The following HOMER2 variants were observed in gnomAD, a reference collection of about 807,000 sequenced individuals.
The protein encoded by HOMER2 is homer protein homolog 2.
A neutral mutation model predicts 47.0 loss-of-function variants in HOMER2; 27 were observed. The ratio of observed to expected loss-of-function variants is 0.57; its 90% CI spans 0.42 to 0.79. The LOEUF (loss-of-function observed/expected upper bound fraction) is 0.79, where lower values mean the gene tolerates loss of function less well. Among genes scored for constraint, HOMER2 ranks in the 30% least tolerant of loss-of-function variants. The probability of loss-of-function intolerance (pLI) is 0.00; values close to 1 mark genes in which losing one functional copy is unlikely to be tolerated. For synonymous variants in HOMER2, 161 were observed against 163.8 expected, an observed-to-expected ratio of 0.98 and a Z score of 0.13; for missense variants, 443 against 435.0, an observed-to-expected ratio of 1.02 and a Z score of -0.16.
Position 82,892,727 on chromosome 15 carries a change from G to A in HOMER2, c.120C>T (p.Val40=), listed in dbSNP as rs1250052440. The change falls in exon 2 of 9, where the codon GTC becomes GTT. Residue 40 remains valine, a synonymous_variant. Transcript: ENST00000450735. ...QAVTVSYFYD[V]TRNSYRIISV... is the part of the protein sequence containing the mutation. ...TGATGATCCGATAGCTGTTCCTTGTGACATCATAGAAGTAGGAAACGGTGA... is the reference window on the plus strand; with the variant it reads ...TGATGATCCGATAGCTGTTCCTTGTAACATCATAGAAGTAGGAAACGGTGA... The A allele has an allele frequency of 4.4e-6, 7 of 1,602,720 alleles. No individual in the cohort carries two copies. The Admixed American group carries it at 8.4e-5, about 19-fold the overall frequency.
rs779615131 is a variant in HOMER2, at chr15:82,852,124, C to T, written c.762+18G>A. On this transcript the variant is annotated intron_variant, in intron 7 of 8. Coordinates refer to ENST00000450735, the MANE Select transcript of HOMER2 (RefSeq NM_004839.4). ...CAAGAGGACGCCAAGGGGCCCTGCT[C>T]GGAGCACCATTACTCACTGTCTCCT... is the stretch of plus-strand genomic sequence containing the variant. The T allele has an allele frequency of 1.0e-5, 16 of 1,588,036 alleles. No homozygotes were observed. Among genetic ancestry groups the T allele is most frequent in the Admixed American group, 6.7e-5 (4 of 59,874 alleles).
chr15:82,984,500 T>C (rs1241751240), intron 1 of HOMER2, among the ~76,000 whole-genome samples: 1 of 152,210 alleles, frequency 6.6e-6, no homozygotes, highest in East Asian at 1.9e-4. Context: ...CACAAACATT[T>C]ATTCAGTGCT....
chr15:82,966,694 G>A (rs1255181018), intron 1 of HOMER2, among the ~76,000 whole-genome samples: 1 of 152,190 alleles, frequency 6.6e-6, no homozygotes, highest in African/African-American at 2.4e-5. Flanking sequence ...CTCGGATTAG[G>A]ATTTCAGTGG....
chr15:82,864,220 T>C lies in HOMER2; in HGVS notation c.334A>G (p.Ile112Val). 8 of 1,612,826 alleles carry C rather than the reference T, an allele frequency of 5.0e-6. No individual in the cohort carries two copies. Among genetic ancestry groups the C allele is most frequent in the Non-Finnish European group, 6.8e-6 (8 of 1,179,382 alleles). ...KFQEVKEAAK[I>V]AKDKTQEKIE... ...TTCTCCTGCGTCTTGTCTTTGGCTA[T>C]CTTGGCAGCTTCTTTCACCTCCTGG... Residue 112 changes from isoleucine (I) to valine (V), a missense_variant, in exon 4 of 9, where the codon ATA becomes GTA. Transcript: ENST00000450735.
downstream of HOMER2, chr15:82,847,333 C>A (rs1343982954): frequency 6.6e-6 from 1 of 152,274 alleles, no homozygotes; most frequent in Non-Finnish European, 1.5e-5. Flanking sequence ...TTTGTAAAAG[C>A]TGTTGTGCTT....
intron 1 of HOMER2, among the ~76,000 whole-genome samples, chr15:82,979,435 ATAT>A (rs1451797184): frequency 6.6e-6 from 1 of 152,186 alleles, no homozygotes; most frequent in East Asian, 1.9e-4. Context: ...ACAATTAATT[ATAT>A]TATTATCAAT....
At chr15:82,920,787 A>G (rs1030860141) in intron 1 of HOMER2, among the ~76,000 whole-genome samples, 1 of 151,982 alleles carries the variant, frequency 6.6e-6, no homozygotes. Flanking sequence ...TTCAGAAATG[A>G]GCATCTGATA....
chr15:82,936,850 G>A (rs1397119050), intron 1 of HOMER2, among the ~76,000 whole-genome samples: 1 of 152,056 alleles, frequency 6.6e-6, no homozygotes, highest in Non-Finnish European at 1.5e-5. Flanking sequence ...ACCATGCCTG[G>A]CCAGCTCTCC....
intron 5 of HOMER2, among the ~76,000 whole-genome samples, chr15:82,857,748 G>A (rs1337696011): frequency 6.6e-6 from 1 of 151,966 alleles, no homozygotes; most frequent in East Asian, 1.9e-4. Context: ...ATCTTAAATG[G>A]GCAACTCTGA....
intron 1 of HOMER2, among the ~76,000 whole-genome samples, chr15:82,919,114 GCT>G (rs1380414492): frequency 6.6e-6 from 1 of 152,182 alleles, no homozygotes. Flanking sequence ...TTGCCTAGGT[GCT>G]GTAAACATAT....
chr15:82,943,140 C>T (rs2054300760), intron 1 of HOMER2, among the ~76,000 whole-genome samples: 1 of 152,322 alleles, frequency 6.6e-6, no homozygotes, highest in East Asian at 1.9e-4. Context: ...CCATCATTTA[C>T]TATTTATGTG....
chr15:82,873,856 G>A (rs757399715), intron 3 of HOMER2, among the ~76,000 whole-genome samples: 52 of 152,168 alleles, frequency 3.4e-4, no homozygotes, highest in African/African-American at 1.0e-3. Context: ...TGGGATGGCC[G>A]GATCTGTGCG....
Position 82,923,863 on chromosome 15 carries a change from C to T in HOMER2, c.5+28668G>A, listed in dbSNP as rs74030848. Among the ~76,000 whole-genome samples, 437 of 152,296 alleles carry T rather than the reference C, an allele frequency of 2.9e-3. 2 individuals are homozygous for T. Among genetic ancestry groups the T allele is most frequent in the African/African-American group, 0.01 (422 of 41,550 alleles). On this transcript the variant is annotated intron_variant, in intron 1 of 8. Coordinates refer to ENST00000450735, the MANE Select transcript of HOMER2 (RefSeq NM_004839.4). ...GTTGTACAAGTGACCCTTCCCAATG[C>T]GCCCTGCCTGGTCTGAAAGAGGCTG...
intron 3 of HOMER2, among the ~76,000 whole-genome samples, chr15:82,867,999 C>T (rs548616036): frequency 3.4e-4 from 52 of 152,086 alleles, no homozygotes; most frequent in African/African-American, 1.2e-3. Context: ...AAAATCGCCT[C>T]CCTCCAAGTC....
exon 2 of HOMER2, chr15:82,958,795 A>C (rs2054606864): frequency 6.6e-6 from 1 of 152,370 alleles, no homozygotes; most frequent in South Asian, 2.1e-4. Context: ...TCATCAAACA[A>C]TCCAACAACC....
chr15:82,955,169 TTC>T (rs1360936696), upstream of HOMER2, among the ~76,000 whole-genome samples: 1 of 149,810 alleles, frequency 6.7e-6, no homozygotes, highest in Non-Finnish European at 1.5e-5. Flanking sequence ...CTTTTTCTTT[TTC>T]TTTTTTTTTT....
rs34273427 is a variant in HOMER2, at chr15:82,849,808, C to A, written c.939G>T (p.Val313=). The A allele has an allele frequency of 6.2e-7, 1 of 1,614,018 alleles. No individual in the cohort carries two copies. Among genetic ancestry groups the A allele is most frequent in the Non-Finnish European group, 8.5e-7 (1 of 1,179,882 alleles). ...GCACCTCCAGGAAGCTCTTCAACTC[C>A]ACCTTCAGGTGGCGCTGTCGGTATT... ...ESKYRQRHLK[V]ELKSFLEVLD... is the part of the protein sequence containing the mutation. Residue 313 remains valine (V), a synonymous_variant, in exon 9 of 9, where the codon GTG becomes GTT. Coordinates refer to ENST00000450735, the MANE Select transcript of HOMER2 (RefSeq NM_004839.4).
At chr15:82,970,683 A>G (rs1227624757) in intron 1 of HOMER2, among the ~76,000 whole-genome samples, 3 of 152,252 alleles carry the variant, frequency 2.0e-5, no homozygotes, top group Non-Finnish European at 4.4e-5. Context: ...AAAACGAAGT[A>G]GATTGATATC....
At chr15:82,979,900 A>G (rs943499996) in intron 1 of HOMER2, among the ~76,000 whole-genome samples, 1 of 152,150 alleles carries the variant, frequency 6.6e-6, no homozygotes, top group Non-Finnish European at 1.5e-5. Flanking sequence ...TCTAGAGCTC[A>G]TATGTGATGG....
Sources: allele counts gnomAD v4.1 joint callset (sites outside exome capture counted in the v4.1 genomes callset), GRCh38; gene constraint gnomAD v4.1.1; transcripts MANE v1.5; gene names NCBI Gene and HGNC (gene_info 2026-07-23, HGNC 2026-07-21).